The following ABCF3 variants were observed in gnomAD, a reference collection of about 807,000 sequenced individuals.
The protein encoded by ABCF3 is ATP-binding cassette sub-family F member 3.
A neutral mutation model predicts 94.3 loss-of-function variants in ABCF3; 62 were observed. The ratio of observed to expected loss-of-function variants is 0.66; its 90% CI spans 0.54 to 0.81. ABCF3 has a LOEUF of 0.81. Among genes scored for constraint, ABCF3 ranks in the 40% least tolerant of loss-of-function variants. The pLI is 0.00. For missense variants in ABCF3, 843 were observed against 925.3 expected (o/e 0.91, Z 1.15); for synonymous variants, 355 against 361.1 (o/e 0.98, Z 0.19).
At chr3:184,192,944 G>A (rs759693517) in intron 18 of ABCF3, 48 bp downstream of exon 18, 1 of 1,604,450 alleles carries the variant, frequency 6.2e-7, no homozygotes, top group Non-Finnish European at 8.5e-7. Flanking sequence ...AGGGAAGAGG[G>A]CTGAGGCTGA....
chr3:184,193,544 G>T lies in ABCF3; in HGVS notation c.1976G>T (p.Gly659Val). 6.2e-7 allele frequency: 1 copy of T among 1,614,204 alleles called. No homozygotes were observed. Among genetic ancestry groups the T allele is most frequent in the South Asian group, 1.1e-5 (1 of 91,090 alleles). Reference protein sequence around the residue: ...LGRALNNFRGGVILVSHDERF... With the variant: ...LGRALNNFRGVVILVSHDERF... ...TCCTGCCCTCCTGTCTTTCAGGGTG[G>T]TGTGATTCTGGTGTCCCACGATGAG... Residue 659 changes from glycine (G) to valine (V), a missense_variant, in exon 21 of 21, where the codon GGT becomes GTT. Coordinates refer to ENST00000429586, the MANE Select transcript of ABCF3 (RefSeq NM_018358.3). The surrounding 1 kb of genome is among the most constrained non-coding windows in gnomAD (Gnocchi z 5.2).
At chr3:184,186,312 A>G (rs753072543) in intron 1 of ABCF3, 32 bp downstream of exon 1, 2 of 1,613,418 alleles carry the variant, frequency 1.2e-6, no homozygotes, top group Non-Finnish European at 8.5e-7. Context: ...GGCTGGGGAG[A>G]CCGAAGTGGA....
chr3:184,186,813 A>T lies in ABCF3; in HGVS notation c.239A>T (p.Gln80Leu), dbSNP rs1453108471. 1.2e-6 allele frequency: 2 copies of T among 1,614,014 alleles called. No individual in the cohort carries two copies. Among genetic ancestry groups the T allele is most frequent in the South Asian group, 2.2e-5 (2 of 91,020 alleles). The change falls in exon 3 of 21, where the codon CAG becomes CTG. Residue 80 changes from glutamine to leucine, a missense_variant. By Grantham distance (113) the Gln-to-Leu change is moderately radical. Transcript: ENST00000429586. ...CCACATAGGGCTGAGCCACAAAGCC[A>T]GGGAAATAGCCAGGTGCTACTGGAC... Reference protein sequence around the residue: ...NTLRLAEPQSQGNSQVLLDAP... With the variant: ...NTLRLAEPQSLGNSQVLLDAP...
chr3:184,188,249 G>A lies in ABCF3; in HGVS notation c.678G>A (p.Arg226=). ...KTTLLKMLAT[R]SLRVPAHISL... ...CGTTACTGAAGATGCTGGCCACCCGGAGTCTGCGGGTTCCAGCCCACATTT... is the reference window on the plus strand; with the variant it reads ...CGTTACTGAAGATGCTGGCCACCCGAAGTCTGCGGGTTCCAGCCCACATTT... Residue 226 remains arginine, a synonymous_variant, in exon 7 of 21, where the codon CGG becomes CGA. Transcript: ENST00000429586. 1 of 1,614,186 alleles carries A rather than the reference G, an allele frequency of 6.2e-7. No individual in the cohort carries two copies. Among genetic ancestry groups the A allele is most frequent in the Non-Finnish European group, 8.5e-7 (1 of 1,180,054 alleles).
chr3:184,193,072 A>G lies in ABCF3; in HGVS notation c.1751-30A>G. 1 of 1,535,240 alleles carries G rather than the reference A, an allele frequency of 6.5e-7. No homozygotes were observed. ...GCACAGGGAGGGTGTTGGGCCAAGA[A>G]GCCACCTGATCTGGGGAGTCCTTTT... On this transcript the variant is annotated intron_variant, in intron 18 of 20. Coordinates refer to ENST00000429586, the MANE Select transcript of ABCF3 (RefSeq NM_018358.3). This position sits in a 1 kb window ranked among gnomAD's most constrained non-coding sequence, Gnocchi z 5.2.
chr3:184,188,463 G>GC, intron 7 of ABCF3, 56 bp downstream of exon 7: 1 of 1,562,670 alleles, frequency 6.4e-7, no homozygotes, highest in Non-Finnish European at 8.7e-7. Context: ...CAGAGCGCCT[G>GC]CCGTCCTGGA....
chr3:184,188,999 C>T lies in ABCF3; in HGVS notation c.977+11C>T, dbSNP rs778540894. ...GCAGCAGCCCACCCGGTGAGTGACCCTTGCCATTCTTGGCTTTGAACCCTG... is the reference window on the plus strand; with the variant it reads ...GCAGCAGCCCACCCGGTGAGTGACCTTTGCCATTCTTGGCTTTGAACCCTG... On this transcript the variant is annotated intron_variant, in intron 9 of 20. Transcript: ENST00000429586. The T allele has an allele frequency of 6.2e-7, 1 of 1,614,244 alleles. No individual in the cohort carries two copies. Among genetic ancestry groups the T allele is most frequent in the Non-Finnish European group, 8.5e-7 (1 of 1,180,048 alleles).
intron 7 of ABCF3, 94 bp from the exon 8 acceptor site, chr3:184,188,667 C>CTGG: frequency 7.6e-7 from 1 of 1,310,362 alleles, no homozygotes; most frequent in Admixed American, 2.1e-5. Context: ...CTTCCAGCCA[C>CTGG]AAGGTAGCCA....
chr3:184,188,625 C>T (rs1715804187), intron 7 of ABCF3, 136 bp from the exon 8 acceptor site: 1 of 1,039,802 alleles, frequency 9.6e-7, no homozygotes, highest in South Asian at 1.6e-5. Context: ...AGGTAATGAG[C>T]ACTGTGCAAA....
At chr3:184,192,935 G>A in intron 18 of ABCF3, 39 bp downstream of exon 18, 3 of 1,610,382 alleles carry the variant, frequency 1.9e-6, no homozygotes, top group Non-Finnish European at 2.5e-6. Flanking sequence ...AGTTTGAGTA[G>A]GGAAGAGGGC....
intron 16 of ABCF3, among the ~76,000 whole-genome samples, chr3:184,191,654 C>T (rs1437466641): frequency 6.6e-6 from 1 of 151,720 alleles, no homozygotes; most frequent in Non-Finnish European, 1.5e-5. Flanking sequence ...ACATCTACCT[C>T]ACTTGGTTCT....
chr3:184,188,702 G>C, intron 7 of ABCF3, 59 bp from the exon 8 acceptor site: 1 of 1,549,058 alleles, frequency 6.5e-7, no homozygotes, highest in Non-Finnish European at 8.9e-7. Context: ...GGTATAGGGT[G>C]CAGGACATCC....
chr3:184,191,123 G>T lies in ABCF3; in HGVS notation c.1437G>T (p.Lys479Asn). 6.2e-7 allele frequency: 1 copy of T among 1,614,152 alleles called. No homozygotes were observed. Residue 479 changes from lysine (K) to asparagine (N), a missense_variant and splice_region_variant, in exon 16 of 21, where the codon AAG becomes AAT. Coordinates refer to ENST00000429586, the MANE Select transcript of ABCF3 (RefSeq NM_018358.3). ...ACATCCTCACCCCTACCTCCTGCAG[G>T]TTCCCTGATGGGTTTGAGAAGTTCT... ...PVDKESEVVM[K>N]FPDGFEKFSP...
chr3:184,188,330 T>C lies in ABCF3; in HGVS notation c.759T>C (p.Ser253=). The C allele has an allele frequency of 6.2e-7, 1 of 1,613,938 alleles. No homozygotes were observed. The highest frequency in any genetic ancestry group is 8.5e-7 in the Non-Finnish European group (1 of 1,180,004). ...GAGATGACACTCCTGCCCTGCAGAG[T>C]GTGCTGGAGAGTGACAGTGTGCGAG... ...VAGDDTPALQ[S]VLESDSVRED... is the part of the protein sequence containing the mutation. The change falls in exon 7 of 21, where the codon AGT becomes AGC. Residue 253 remains serine (S), a synonymous_variant. Transcript: ENST00000429586.
rs747708233 is a variant in ABCF3 at position 184,188,912 on chromosome 3, G to A, written c.918-17G>A. The A allele has an allele frequency of 1.8e-5, 29 of 1,614,160 alleles. No homozygotes were observed. The South Asian group carries it at 2.0e-4, about 11-fold the overall frequency. ...GTGGACTGTTCCAACTGAGTTCTTC[G>A]ATTTCTTCTCTACTAGGGCATCAGT... On this transcript the variant is annotated splice_polypyrimidine_tract_variant and intron_variant, in intron 8 of 20. Transcript: ENST00000429586.
At position 184,186,279 on chromosome 3, in the gene ABCF3, C is replaced by T. The variant is rs1241668206; in HGVS notation, c.72C>T (p.Thr24=). The change falls in exon 1 of 21, where the codon ACC becomes ACT. Residue 24 remains threonine, a splice_region_variant and synonymous_variant. Transcript: ENST00000429586. ...ACGGACAAGTCTTCGACTACGTGAC[C>T]GGTAAGCAGAACTGAATCGGCCGGC... ...EIDGQVFDYV[T]GVLHSGSADF... The T allele has an allele frequency of 6.2e-7, 1 of 1,614,192 alleles. No homozygotes were observed. The highest frequency in any genetic ancestry group is 8.5e-7 in the Non-Finnish European group (1 of 1,180,038).
At chr3:184,188,593 G>A in intron 7 of ABCF3, 168 bp from the exon 8 acceptor site, 1 of 1,021,554 alleles carries the variant, frequency 9.8e-7, no homozygotes, top group Non-Finnish European at 1.4e-6. Flanking sequence ...TCTTTCCACA[G>A]TGCCCATTTC....
rs999472480 is a variant in ABCF3 at position 184,187,892 on chromosome 3, G to A, written c.478G>A (p.Gly160Ser). ...AGAAGAGGCATCAGCCAGCCAGGCAGGCAGCAGAAAGGAGAGTCGGTTGGA... is the reference window on the plus strand; with the variant it reads ...AGAAGAGGCATCAGCCAGCCAGGCAAGCAGCAGAAAGGAGAGTCGGTTGGA... ...VLEEASASQA[G>S]SRKESRLESS... The change falls in exon 6 of 21, where the codon GGC (glycine) becomes AGC (serine). Residue 160 changes from glycine to serine, a missense_variant. By Grantham distance (56) the Gly-to-Ser change is moderately conservative. Transcript: ENST00000429586. 7 of 1,614,166 alleles carry A rather than the reference G, an allele frequency of 4.3e-6. No homozygotes were observed. Among genetic ancestry groups the A allele is most frequent in the Middle Eastern group, 1.6e-4 (1 of 6,062 alleles).
chr3:184,192,769 C>G (rs768513393), intron 17 of ABCF3, 36 bp from the exon 18 acceptor site: 6 of 1,612,986 alleles, frequency 3.7e-6, no homozygotes, highest in Non-Finnish European at 5.1e-6. Flanking sequence ...TGGCCATTGC[C>G]TTTGTCTGTT....
Sources: allele counts gnomAD v4.1 joint callset (sites outside exome capture counted in the v4.1 genomes callset), GRCh38; gene constraint gnomAD v4.1.1; non-coding constraint Gnocchi (gnomAD v3.1); transcripts MANE v1.5; gene names NCBI Gene and HGNC (gene_info 2026-07-23, HGNC 2026-07-21).